Variants in NELL2 observed in about 807,000 individuals in gnomAD.
NELL2 encodes neural EGFL like 2.
Under a neutral mutation model 109.6 loss-of-function variants are expected in NELL2, and 41 were observed. The observed-to-expected ratio is 0.37, with a 90% CI of 0.29 to 0.49. NELL2 has a LOEUF of 0.49. Among genes scored for constraint, NELL2 ranks in the 20% least tolerant of loss-of-function variants. The pLI, the probability that NELL2 is intolerant of heterozygous loss-of-function variation, is 0.98. For synonymous variants in NELL2, 355 were observed against 344.7 expected (o/e 1.03, Z -0.33); for missense variants, 900 against 1,008.3 (o/e 0.89, Z 1.45).
chr12:44,520,163 C>T lies in NELL2; in HGVS notation c.2242G>A (p.Glu748Lys), dbSNP rs749939986. The change falls in exon 19 of 20, where the codon GAG becomes AAG. Residue 748 changes from glutamate (E) to lysine (K), a missense_variant. Glu to Lys is a moderately conservative substitution (Grantham distance 56). Transcript: ENST00000429094. ...ACACAGCGCGGGCAGCACTCATTCT[C>T]TGGGAGAATGCTGAATTCACACTCC... ...DVECEFSILPENECCPRCVTD... is the reference protein window; with the variant it reads ...DVECEFSILPKNECCPRCVTD... 6.2e-7 allele frequency: 1 copy of T among 1,613,860 alleles called. No individual in the cohort carries two copies. Among genetic ancestry groups the T allele is most frequent in the Non-Finnish European group, 8.5e-7 (1 of 1,179,960 alleles).
chr12:44,528,076 C>A (rs1405702863), intron 16 of NELL2, among the ~76,000 whole-genome samples: 2 of 105,546 alleles, frequency 1.9e-5, no homozygotes, highest in African/African-American at 7.7e-5. Context: ...CCAGCCTGGG[C>A]GACAGAGCGA....
intron 9 of NELL2, among the ~76,000 whole-genome samples, chr12:44,719,598 A>C (rs1160218496): frequency 6.6e-6 from 1 of 152,174 alleles, no homozygotes; most frequent in Non-Finnish European, 1.5e-5. Flanking sequence ...AAAGAAAGCC[A>C]GTGTAATTCA....
intron 15 of NELL2, among the ~76,000 whole-genome samples, chr12:44,561,267 ACAAGACAAGAATGCCCTC>A (rs1427156257): frequency 1.3e-5 from 2 of 152,236 alleles, no homozygotes; most frequent in Non-Finnish European, 2.9e-5. Context: ...GAAAATGAGC[ACAAGACAAGAATGCCCTC>A]TCTCACCATT....
At chr12:44,801,118 C>T (rs1306948124) in intron 3 of NELL2, among the ~76,000 whole-genome samples, 1 of 152,144 alleles carries the variant, frequency 6.6e-6, no homozygotes, top group Non-Finnish European at 1.5e-5. Flanking sequence ...TAAATTGTAG[C>T]TATTATAGAA....
At chr12:44,626,917 C>G (rs942289304) in intron 13 of NELL2, among the ~76,000 whole-genome samples, 9 of 152,058 alleles carry the variant, frequency 5.9e-5, no homozygotes, top group Non-Finnish European at 1.3e-4. Flanking sequence ...TTTAGAAAAG[C>G]CTCTCTCTAA....
intron 3 of NELL2, among the ~76,000 whole-genome samples, chr12:44,809,320 T>G (rs568989088): frequency 2.6e-5 from 4 of 152,194 alleles, no homozygotes; most frequent in South Asian, 4.1e-4. Flanking sequence ...CTCTTCTGTT[T>G]CCTGTATAAA....
intron 2 of NELL2, among the ~76,000 whole-genome samples, chr12:44,827,055 A>G (rs1174085293): frequency 6.6e-6 from 1 of 152,202 alleles, no homozygotes; most frequent in Non-Finnish European, 1.5e-5. Context: ...TGCAAAACAG[A>G]AGGCTTTTTT....
chr12:44,733,063 A>G (rs1244910371), intron 9 of NELL2, among the ~76,000 whole-genome samples: 1 of 152,030 alleles, frequency 6.6e-6, no homozygotes, highest in Admixed American at 6.5e-5. Flanking sequence ...AAAACAGAAA[A>G]TAACAAGTGT....
At chr12:44,766,696 C>T (rs1228632956) in intron 9 of NELL2, among the ~76,000 whole-genome samples, 3 of 152,126 alleles carry the variant, frequency 2.0e-5, no homozygotes, top group African/African-American at 7.2e-5. Context: ...AATCCTCTTA[C>T]TTATTTCAAA....
intron 16 of NELL2, among the ~76,000 whole-genome samples, chr12:44,528,341 T>C (rs1005639988): frequency 2.4e-4 from 36 of 152,120 alleles, no homozygotes; most frequent in Admixed American, 2.4e-3. Flanking sequence ...TTCCTATTTG[T>C]AATGTGTTAT....
chr12:44,876,862 C>A, upstream of NELL2: 1 of 1,299,988 alleles, frequency 7.7e-7, no homozygotes, highest in Non-Finnish European at 9.8e-7. Flanking sequence ...CTGGTGGGGA[C>A]GGATGGCGAG....
chr12:44,776,942 A>T, intron 7 of NELL2, 100 bp downstream of exon 7: 3 of 1,002,898 alleles, frequency 3.0e-6, no homozygotes, highest in Non-Finnish European at 4.7e-6. Context: ...AGTATAGTAT[A>T]AGAAGAGCCT....
intron 2 of NELL2, among the ~76,000 whole-genome samples, chr12:44,827,836 G>C (rs1943764308): frequency 6.6e-6 from 1 of 152,058 alleles, no homozygotes; most frequent in Admixed American, 6.6e-5. Context: ...CCTGGGAGTG[G>C]GATTGCTAGA....
chr12:44,556,306 C>T (rs1244621853), intron 15 of NELL2, among the ~76,000 whole-genome samples: 1 of 152,072 alleles, frequency 6.6e-6, no homozygotes, highest in African/African-American at 2.4e-5. Flanking sequence ...AGGTGCTTAC[C>T]CAGAGGGGCT....
upstream of NELL2, among the ~76,000 whole-genome samples, chr12:44,878,239 A>T (rs1163799442): frequency 6.6e-6 from 1 of 152,132 alleles, no homozygotes; most frequent in Non-Finnish European, 1.5e-5. Context: ...CTCCCTCCAG[A>T]ACAGTGGTAT....
intron 9 of NELL2, among the ~76,000 whole-genome samples, chr12:44,741,548 T>C (rs1939963638): frequency 1.3e-5 from 2 of 152,192 alleles, no homozygotes; most frequent in South Asian, 4.1e-4. Context: ...GAATTCCCTT[T>C]CCTAGTCAAA....
At chr12:44,806,578 G>A (rs1465974649) in intron 3 of NELL2, among the ~76,000 whole-genome samples, 2 of 151,658 alleles carry the variant, frequency 1.3e-5, no homozygotes, top group Non-Finnish European at 3.0e-5. Flanking sequence ...CATACACACA[G>A]TGCATATAGA....
chr12:44,719,095 A>G (rs992456737), intron 9 of NELL2, among the ~76,000 whole-genome samples: 1 of 152,224 alleles, frequency 6.6e-6, no homozygotes, highest in Admixed American at 6.5e-5. Flanking sequence ...AAATCAATTA[A>G]TAAAAATTAT....
At chr12:44,541,397 A>G (rs1025405160) in intron 15 of NELL2, among the ~76,000 whole-genome samples, 1 of 152,068 alleles carries the variant, frequency 6.6e-6, no homozygotes, top group Non-Finnish European at 1.5e-5. Context: ...GGATATCCAG[A>G]GAGGAATAAA....
Sources: allele counts gnomAD v4.1 joint callset (sites outside exome capture counted in the v4.1 genomes callset), GRCh38; gene constraint gnomAD v4.1.1; transcripts MANE v1.5; gene names NCBI Gene and HGNC (gene_info 2026-07-23, HGNC 2026-07-21).